Variants in CMYA5 observed in about 807,000 individuals in gnomAD.
CMYA5 encodes the protein cardiomyopathy associated 5.
A neutral mutation model predicts 318.9 loss-of-function variants in CMYA5; 246 were observed. The observed-to-expected ratio is 0.77, with a 90% confidence interval of 0.70 to 0.86. The LOEUF (loss-of-function observed/expected upper bound fraction) is 0.86. Among genes scored for constraint, CMYA5 ranks in the 40% least tolerant of loss-of-function variants. CMYA5 has a pLI of 0.00. For missense variants in CMYA5, 4,589 were observed against 4,678.2 expected (o/e 0.98, Z 0.56); for synonymous variants, 1,641 against 1,729.5 (o/e 0.95, Z 1.27).
chr5:79,715,787 A>G (rs191538003), intron 1 of CMYA5, among the ~76,000 whole-genome samples: 4 of 152,326 alleles, frequency 2.6e-5, no homozygotes, highest in African/African-American at 9.6e-5. Context: ...ATCTGGTTCA[A>G]ATTGTCAACC....
intron 3 of CMYA5, among the ~76,000 whole-genome samples, chr5:79,744,279 A>C (rs553330680): frequency 2.6e-5 from 4 of 152,356 alleles, no homozygotes; most frequent in Admixed American, 2.6e-4. Flanking sequence ...CTTAGAGTAC[A>C]TTCCTCATTT....
chr5:79,746,759 G>A (rs1828331897), intron 4 of CMYA5, among the ~76,000 whole-genome samples: 1 of 152,076 alleles, frequency 6.6e-6, no homozygotes, highest in African/African-American at 2.4e-5. Flanking sequence ...TTGATGAATA[G>A]AGAGAAGCAG....
chr5:79,785,411 C>A (rs1375615292), intron 9 of CMYA5, among the ~76,000 whole-genome samples: 4 of 151,982 alleles, frequency 2.6e-5, no homozygotes, highest in Admixed American at 6.5e-5. Flanking sequence ...TATGATGTTG[C>A]ATTTTCCTAT....
At chr5:79,751,289 A>G (rs968676232) in intron 5 of CMYA5, among the ~76,000 whole-genome samples, 29 of 151,602 alleles carry the variant, frequency 1.9e-4, no homozygotes, top group Non-Finnish European at 3.1e-4. Context: ...GTGTTTCCCA[A>G]CTCCCACGGT....
intron 1 of CMYA5, among the ~76,000 whole-genome samples, chr5:79,722,693 A>T (rs2151081925): frequency 6.6e-6 from 1 of 151,652 alleles, no homozygotes; most frequent in African/African-American, 2.4e-5. Context: ...AAAAAAAAAA[A>T]AAAAATCTAT....
At chr5:79,691,848 A>G in intron 1 of CMYA5, among the ~76,000 whole-genome samples, 1 of 152,218 alleles carries the variant, frequency 6.6e-6, no homozygotes, top group East Asian at 1.9e-4. Flanking sequence ...TTAGGGAGAC[A>G]TGAGACCTCA....
chr5:79,723,649 G>A (rs1827689748), intron 1 of CMYA5, among the ~76,000 whole-genome samples: 1 of 151,204 alleles, frequency 6.6e-6, no homozygotes, highest in African/African-American at 2.4e-5. Context: ...ATACTTGCAG[G>A]TACGTGGGAT....
At position 79,790,869 on chromosome 5, in the gene CMYA5, C is replaced by T. The variant is rs1223453623; in HGVS notation, c.11690-101C>T. On this transcript the variant is annotated intron_variant, in intron 10 of 12. Transcript: ENST00000446378. ...GAAGACACTTCGTGGGGGATTTTGA[C>T]GTCAGGGGAAAGAGTCTAGGGTCTG... 29 of 724,502 alleles carry T rather than the reference C, an allele frequency of 4.0e-5. No individual in the cohort carries two copies. The Admixed American group carries it at 6.3e-4, about 16-fold the overall frequency. 44.9% of individuals were successfully genotyped at this position (724,502 alleles called of 1,614,324 possible).
intron 9 of CMYA5, among the ~76,000 whole-genome samples, chr5:79,776,663 C>CAGCT: frequency 6.6e-6 from 1 of 152,288 alleles, no homozygotes; most frequent in African/African-American, 2.4e-5. Context: ...ACTGCCTTAC[C>CAGCT]AGCTGGTCCT....
chr5:79,708,928 C>G (rs562453800), intron 1 of CMYA5, among the ~76,000 whole-genome samples: 1 of 152,278 alleles, frequency 6.6e-6, no homozygotes, highest in South Asian at 2.1e-4. Flanking sequence ...GGTGACAGAG[C>G]AAGACCCTGT....
In CMYA5 at chr5:79,734,267, TA is replaced by T; in HGVS notation, c.5505del (p.Lys1835AsnfsTer5). The T allele has an allele frequency of 6.2e-7, 1 of 1,613,558 alleles. No homozygotes were observed. The highest frequency in any genetic ancestry group is 8.5e-7 in the Non-Finnish European group (1 of 1,179,766). ...AAGCACTTCATTCAGATCAAACTGT[TA>T]AATTACCTGATGTAAGCACCTCTTC... is the stretch of plus-strand genomic sequence containing the variant. ...EKALHSDQTVKLPDVSTSSED... is the reference protein window; with the variant it reads ...EKALHSDQTVXLPDVSTSSED... On this transcript the variant is annotated frameshift_variant, in exon 2 of 13. Coordinates refer to ENST00000446378, the MANE Select transcript of CMYA5 (RefSeq NM_153610.5). LOFTEE classifies it high-confidence loss of function.
rs1428879575 is a variant in CMYA5 at position 79,731,673 on chromosome 5, T to A, written c.2908T>A (p.Phe970Ile). Residue 970 changes from phenylalanine (F) to isoleucine (I), a missense_variant, in exon 2 of 13, where the codon TTT becomes ATT. By Grantham distance (21) the Phe-to-Ile change is conservative (BLOSUM62 0). This residue lies in a region of CMYA5 where 2,132 missense variants were observed against 2,131.3 expected (regional missense o/e 1.00). Coordinates refer to ENST00000446378, the MANE Select transcript of CMYA5 (RefSeq NM_153610.5). ...AACCCAGGAAGCAGAGAAAAGAGAA[T>A]TTGAGTGCGATTCTCCAATATGTTT... ...YATQEAEKRE[F>I]ECDSPICLTS... The A allele has an allele frequency of 5.6e-6, 9 of 1,613,952 alleles. No individual in the cohort carries two copies. The highest frequency in any genetic ancestry group is 7.6e-6 in the Non-Finnish European group (9 of 1,179,862).
In CMYA5 at chr5:79,799,631, A is replaced by C. The variant is rs1292834087; in HGVS notation, c.*15A>C. ...GGCACAAGTGATCCTTGGCTTTCAG[A>C]ATTTGCAAGAACAGCGATTTGAATT... is the stretch of plus-strand genomic sequence containing the variant. On this transcript the variant is annotated 3_prime_UTR_variant, in exon 13 of 13. Coordinates refer to ENST00000446378, the MANE Select transcript of CMYA5 (RefSeq NM_153610.5). 6.3e-7 allele frequency: 1 copy of C among 1,597,548 alleles called. No homozygotes were observed. The highest frequency in any genetic ancestry group is 1.7e-5 in the Admixed American group (1 of 58,674).
chr5:79,717,890 T>TATAG lies in CMYA5; in HGVS notation c.150-11025_150-11024insATAG, dbSNP rs1311067226. Among the ~76,000 whole-genome samples, 196 of 92,064 alleles carry TATAG rather than the reference T, an allele frequency of 2.1e-3. 1 individual carries two copies. The highest frequency in any genetic ancestry group is 5.0e-3 in the South Asian group (15 of 3,028). 60.4% of individuals were successfully genotyped at this position (92,064 alleles called of 152,430 possible). Reference sequence around the variant, plus strand: ...GTTCCTTTTAACCTAAGCTATTTTTTTTTTTTTTTTTTTTTTGAGACGGAG... The same window carrying TATAG: ...GTTCCTTTTAACCTAAGCTATTTTTTATAGTTTTTTTTTTTTTTTTGAGACGGAG... On this transcript the variant is annotated intron_variant, in intron 1 of 12. Coordinates refer to ENST00000446378, the MANE Select transcript of CMYA5 (RefSeq NM_153610.5).
chr5:79,792,157 T>G (rs1020431504), intron 11 of CMYA5, among the ~76,000 whole-genome samples: 2 of 152,218 alleles, frequency 1.3e-5, no homozygotes, highest in Non-Finnish European at 2.9e-5. Flanking sequence ...TGGCACCCTT[T>G]GATCTTACCT....
chr5:79,793,235 A>C (rs1402666865), intron 11 of CMYA5, among the ~76,000 whole-genome samples: 1 of 152,172 alleles, frequency 6.6e-6, no homozygotes, highest in Non-Finnish European at 1.5e-5. Flanking sequence ...CAATATGTCA[A>C]ATGCCTGTTG....
Position 79,734,700 on chromosome 5 carries a change from A to C in CMYA5, c.5935A>C (p.Ser1979Arg), listed in dbSNP as rs1414972743. 6.2e-7 allele frequency: 1 copy of C among 1,613,884 alleles called. No homozygotes were observed. ...TAATACAGAGACCTTATCAAGTAAA[A>C]GTTACTCTTCTGAAGAAGTAAAGCT... The part of the protein sequence containing the change: ...SGNTETLSSK[S>R]YSSEEVKLAE... Residue 1979 changes from serine to arginine, a missense_variant, in exon 2 of 13, where the codon AGT (serine) becomes CGT (arginine). Physicochemically the swap from Ser to Arg is moderately radical, Grantham distance 110 (BLOSUM62 -1). Transcript: ENST00000446378.
intron 9 of CMYA5, among the ~76,000 whole-genome samples, chr5:79,764,238 G>A (rs1393293977): frequency 6.6e-6 from 1 of 151,844 alleles, no homozygotes; most frequent in East Asian, 1.9e-4. Flanking sequence ...ACTTATGAGT[G>A]AGAACATGAG....
chr5:79,740,209 T>A (rs1828184406), intron 2 of CMYA5, among the ~76,000 whole-genome samples: 1 of 152,146 alleles, frequency 6.6e-6, no homozygotes, highest in Non-Finnish European at 1.5e-5. Context: ...TCTGCTGACA[T>A]CCTGAAACCA....
Sources: gnomAD v4.1 joint callset for allele counts (sites outside exome capture counted in the v4.1 genomes callset) on GRCh38, gnomAD v4.1.1 for gene constraint, gnomAD v4.1.1 regional missense constraint, MANE v1.5 for transcripts, NCBI Gene and HGNC (gene_info 2026-07-23, HGNC 2026-07-21) for gene names.